Variants in TMPRSS15 observed in about 807,000 individuals in gnomAD.
TMPRSS15 encodes the protein enteropeptidase.
A neutral mutation model predicts 125.3 loss-of-function variants in TMPRSS15; 128 were observed. That is an observed-to-expected ratio of 1.02 (90% confidence interval 0.89 to 1.18). TMPRSS15 has a LOEUF of 1.18. TMPRSS15 is among the 50% of genes most tolerant of loss of function. The probability of loss-of-function intolerance (pLI) is 0.00; values close to 1 mark genes in which losing one functional copy is unlikely to be tolerated. For missense variants in TMPRSS15, 1,283 were observed against 1,212.7 expected (o/e 1.06, Z -0.86); for synonymous variants, 446 against 423.2 (o/e 1.05, Z -0.66).
intron 16 of TMPRSS15, among the ~76,000 whole-genome samples, chr21:18,320,973 A>G (rs1302407923): frequency 2.6e-5 from 4 of 152,176 alleles, no homozygotes; most frequent in African/African-American, 4.8e-5. Context: ...TGCCTCATTT[A>G]GTAACATACG....
Position 18,313,089 on chromosome 21 carries a change from G to A in TMPRSS15, c.2033-12C>T. On this transcript the variant is annotated splice_polypyrimidine_tract_variant and intron_variant, in intron 17 of 24. Transcript: ENST00000284885. ...ATTGAAAAAACGCACTAAAGACACA[G>A]AGAGCATAATGGTAGTTACCAGAGA... is the stretch of plus-strand genomic sequence containing the variant. 1.9e-6 allele frequency: 3 copies of A among 1,594,560 alleles called. No individual in the cohort carries two copies. In the South Asian group the frequency reaches 3.3e-5, roughly 18 times the overall value.
intron 16 of TMPRSS15, among the ~76,000 whole-genome samples, chr21:18,320,063 A>C (rs2075218262): frequency 6.6e-6 from 1 of 152,192 alleles, no homozygotes; most frequent in African/African-American, 2.4e-5. Context: ...TTGTTTCACA[A>C]ACATATTTTT....
chr21:18,317,234 T>C (rs1301343790), intron 16 of TMPRSS15, among the ~76,000 whole-genome samples: 3 of 152,164 alleles, frequency 2.0e-5, no homozygotes, highest in Non-Finnish European at 2.9e-5. Flanking sequence ...AGAATCTAAG[T>C]TGTAGACTCA....
At chr21:18,431,067 T>A (rs942106451) in intron 1 of TMPRSS15, among the ~76,000 whole-genome samples, 1 of 152,150 alleles carries the variant, frequency 6.6e-6, no homozygotes, top group Admixed American at 6.6e-5. Context: ...ATTAGTTCAT[T>A]TGTTATTAGC....
chr21:18,269,981 A>ACTT lies in TMPRSS15; in HGVS notation c.3045_3047dup (p.Gln1015_Ser1016insArg). The ACTT allele has an allele frequency of 6.2e-7, 1 of 1,613,762 alleles. No individual in the cohort carries two copies. The highest frequency in any genetic ancestry group is 8.5e-7 in the Non-Finnish European group (1 of 1,179,828). ...TTTAAGAAATGCGCTAATGTAGAAA[A>ACTT]CTTTGTATCCATTCGGTAAACCTTG... On this transcript the variant is annotated inframe_insertion, in exon 25 of 25. Coordinates refer to ENST00000284885, the MANE Select transcript of TMPRSS15 (RefSeq NM_002772.3).
intron 1 of TMPRSS15, among the ~76,000 whole-genome samples, chr21:18,435,116 C>A (rs2076225054): frequency 6.6e-6 from 1 of 152,010 alleles, no homozygotes; most frequent in African/African-American, 2.4e-5. Flanking sequence ...CTTGAATACC[C>A]TTTATTTCCT....
At chr21:18,440,528 T>C (rs1016038646) in intron 1 of TMPRSS15, among the ~76,000 whole-genome samples, 2 of 152,124 alleles carry the variant, frequency 1.3e-5, no homozygotes. Context: ...ATCAGAATCT[T>C]AGTCATATGT....
At chr21:18,315,089 A>T in intron 17 of TMPRSS15, 57 bp downstream of exon 17, 1 of 1,324,138 alleles carries the variant, frequency 7.6e-7, no homozygotes. Flanking sequence ...TTGACACTGT[A>T]GAGTCCAAAT....
intron 1 of TMPRSS15, among the ~76,000 whole-genome samples, chr21:18,468,081 GTTAT>G (rs1038352240): frequency 9.2e-5 from 14 of 152,168 alleles, no homozygotes; most frequent in African/African-American, 3.4e-4. Flanking sequence ...TATATAGTTG[GTTAT>G]TTAAACTCTA....
intron 8 of TMPRSS15, among the ~76,000 whole-genome samples, chr21:18,357,917 T>C (rs2075641475): frequency 6.6e-6 from 1 of 151,708 alleles, no homozygotes; most frequent in Admixed American, 6.6e-5. Context: ...CAATACACTT[T>C]CTCACATTTT....
At chr21:18,363,859 G>A (rs774873556) in intron 7 of TMPRSS15, among the ~76,000 whole-genome samples, 31 of 152,090 alleles carry the variant, frequency 2.0e-4, no homozygotes, top group Admixed American at 1.3e-3. Context: ...TTAATTCATA[G>A]TCTTATTTTT....
At chr21:18,307,992 C>T (rs2075054938) in intron 18 of TMPRSS15, among the ~76,000 whole-genome samples, 1 of 152,094 alleles carries the variant, frequency 6.6e-6, no homozygotes, top group African/African-American at 2.4e-5. Context: ...AGGGAAAGCC[C>T]AGTCATCCGG....
At chr21:18,456,975 A>G (rs1471913467) in intron 1 of TMPRSS15, among the ~76,000 whole-genome samples, 1 of 152,110 alleles carries the variant, frequency 6.6e-6, no homozygotes, top group Non-Finnish European at 1.5e-5. Context: ...ATTCCAAAAC[A>G]TTTAGGCAAT....
intron 1 of TMPRSS15, among the ~76,000 whole-genome samples, chr21:18,447,439 C>CAAA (rs57558994): frequency 0.3 from 26,184 of 87,812 alleles, 5,308 homozygotes; most frequent in Middle Eastern, 0.44. Context: ...GACTTCAACT[C>CAAA]AAAAAAAAAA....
At chr21:18,270,755 G>A (rs1283722530) in intron 24 of TMPRSS15, among the ~76,000 whole-genome samples, 1 of 152,080 alleles carries the variant, frequency 6.6e-6, no homozygotes, top group Non-Finnish European at 1.5e-5. Context: ...ATTAATCACA[G>A]CAGATCCTAG....
chr21:18,358,296 T>C (rs2075645398), intron 8 of TMPRSS15, among the ~76,000 whole-genome samples: 1 of 151,884 alleles, frequency 6.6e-6, no homozygotes, highest in Non-Finnish European at 1.5e-5. Context: ...TAATATCACC[T>C]ACATAATTGG....
chr21:18,425,213 C>A (rs2076200188), intron 1 of TMPRSS15, among the ~76,000 whole-genome samples: 1 of 151,952 alleles, frequency 6.6e-6, no homozygotes, highest in South Asian at 2.1e-4. Context: ...GAAAACTATT[C>A]TTATGGAAAT....
intron 1 of TMPRSS15, among the ~76,000 whole-genome samples, chr21:18,447,328 T>A (rs1009293922): frequency 6.0e-5 from 9 of 149,912 alleles, no homozygotes; most frequent in Non-Finnish European, 1.0e-4. Flanking sequence ...TAACCTCAGC[T>A]ACTTGGGAGG....
intron 18 of TMPRSS15, among the ~76,000 whole-genome samples, chr21:18,300,317 T>C: frequency 6.7e-6 from 1 of 149,814 alleles, no homozygotes; most frequent in Admixed American, 6.7e-5. Flanking sequence ...TCTTTCTTTC[T>C]CCTTCCTTCC....
Sources: allele counts gnomAD v4.1 joint callset (sites outside exome capture counted in the v4.1 genomes callset), GRCh38; gene constraint gnomAD v4.1.1; transcripts MANE v1.5; gene names NCBI Gene and HGNC (gene_info 2026-07-23, HGNC 2026-07-21).